The following MLLT3 variants were observed in gnomAD, a reference collection of about 807,000 sequenced individuals.
The protein encoded by MLLT3 is MLLT3 super elongation complex subunit.
A neutral mutation model predicts 53.2 loss-of-function variants in MLLT3; 4 were observed. The observed-to-expected ratio is 0.08, with a 90% CI of 0.04 to 0.17. MLLT3 has a LOEUF of 0.17. MLLT3 is among the 10% of genes least tolerant of loss of function. MLLT3 has a pLI of 1.00. For synonymous variants in MLLT3, 283 were observed against 230.6 expected (o/e 1.23, Z -2.06); for missense variants, 569 against 684.0 (o/e 0.83, Z 1.87).
chr9:20,567,548 G>A (rs749773078), intron 2 of MLLT3, among the ~76,000 whole-genome samples: 2 of 151,908 alleles, frequency 1.3e-5, no homozygotes, highest in Non-Finnish European at 2.9e-5. Context: ...CATTTAATTT[G>A]GCTTATCATC....
Position 20,428,417 on chromosome 9 carries a change from TA to T in MLLT3, c.421-13993del, listed in dbSNP as rs57266670. ...AAATTTAAAAACGTTTTAATGTTTTTAAAAAAACTGTATATATTTGGAATTA... is the reference window on the plus strand; with the variant it reads ...AAATTTAAAAACGTTTTAATGTTTTTAAAAAACTGTATATATTTGGAATTA... On this transcript the variant is annotated intron_variant, in intron 4 of 10. Transcript: ENST00000380338. Among the ~76,000 whole-genome samples, 916 of 152,066 alleles carry T rather than the reference TA, an allele frequency of 6.0e-3. 4 individuals are homozygous for T. Among genetic ancestry groups the T allele is most frequent in the African/African-American group, 0.02 (831 of 41,528 alleles).
intron 2 of MLLT3, among the ~76,000 whole-genome samples, chr9:20,488,717 G>T (rs1417106349): frequency 6.6e-6 from 1 of 152,156 alleles, no homozygotes; most frequent in Non-Finnish European, 1.5e-5. Context: ...GGTAAGGGAG[G>T]CTCCAATTCA....
At chr9:20,591,722 GA>G (rs1363257416) in intron 2 of MLLT3, among the ~76,000 whole-genome samples, 1 of 152,196 alleles carries the variant, frequency 6.6e-6, no homozygotes, top group Non-Finnish European at 1.5e-5. Context: ...TACTTTAAGA[GA>G]AAGGTGTTTA....
chr9:20,373,086 G>T (rs1010812189), intron 5 of MLLT3, among the ~76,000 whole-genome samples: 3 of 152,006 alleles, frequency 2.0e-5, no homozygotes, highest in African/African-American at 7.3e-5. Context: ...TTTTGGTGAA[G>T]ATTGCTTAAA....
rs184368300 is a variant in MLLT3 at position 20,482,989 on chromosome 9, A to G, written c.194-26203T>C. Among the ~76,000 whole-genome samples the G allele has an allele frequency of 1.1e-4, 16 of 152,236 alleles. No homozygotes were observed. The East Asian group carries it at 2.5e-3, about 24-fold the overall frequency. ...CTCAATTTTCTTTGCTGATCTTAGG[A>G]TTGTACAGTACTACTTACATGCTAA... On this transcript the variant is annotated intron_variant, in intron 2 of 10. Coordinates refer to ENST00000380338, the MANE Select transcript of MLLT3 (RefSeq NM_004529.4).
At chr9:20,578,921 G>C (rs113672059) in intron 2 of MLLT3, among the ~76,000 whole-genome samples, 70 of 152,206 alleles carry the variant, frequency 4.6e-4, no homozygotes, top group African/African-American at 1.6e-3. Flanking sequence ...TTAAAATTAA[G>C]TTTACTTGTT....
rs745641479 is a variant in MLLT3, at chr9:20,622,485, G to A, written c.-229C>T. 10 of 508,072 alleles carry A rather than the reference G, an allele frequency of 2.0e-5. No homozygotes were observed. Among genetic ancestry groups the A allele is most frequent in the Non-Finnish European group, 3.1e-5 (9 of 287,872 alleles). 31.5% of individuals were successfully genotyped at this position (508,072 alleles called of 1,614,324 possible). On this transcript the variant is annotated 5_prime_UTR_variant, in exon 1 of 11. Transcript: ENST00000380338. ...CAGCAGCAGCAGCAGCAGCTCCAGG[G>A]TAAAGAAGATGATTGCGGAGCATGC...
At chr9:20,349,486 G>T (rs926125767) in intron 10 of MLLT3, among the ~76,000 whole-genome samples, 1 of 151,366 alleles carries the variant, frequency 6.6e-6, no homozygotes, top group Non-Finnish European at 1.5e-5. Context: ...TAAAATAAAT[G>T]AGGCAAGAAA....
At chr9:20,541,508 C>A (rs1206589093) in intron 2 of MLLT3, among the ~76,000 whole-genome samples, 4 of 152,202 alleles carry the variant, frequency 2.6e-5, no homozygotes, top group African/African-American at 9.6e-5. Flanking sequence ...CAAGGCACAT[C>A]TCACATGGCA....
intron 4 of MLLT3, among the ~76,000 whole-genome samples, chr9:20,444,661 T>G (rs975307332): frequency 1.3e-5 from 2 of 152,004 alleles, no homozygotes; most frequent in African/African-American, 4.8e-5. Flanking sequence ...TCATTTCAGC[T>G]CAGGAGTTCA....
In MLLT3 at chr9:20,472,308, A is replaced by T. The variant is rs952362128; in HGVS notation, c.194-15522T>A. 3.3e-5 allele frequency among the ~76,000 whole-genome samples: 5 copies of T among 152,086 alleles called. No individual in the cohort carries two copies. In the East Asian group the frequency reaches 7.7e-4, roughly 23 times the overall value. On this transcript the variant is annotated intron_variant, in intron 2 of 10. Transcript: ENST00000380338. The stretch of plus-strand genomic sequence containing the variant: ...TAGGTTTATATTCTGAGATGGTTCC[A>T]ACCCTCAATGCCACTGCCATCACCT...
chr9:20,410,896 GATTT>G (rs1340164148), intron 5 of MLLT3, among the ~76,000 whole-genome samples: 11 of 152,170 alleles, frequency 7.2e-5, no homozygotes, highest in Non-Finnish European at 1.3e-4. Context: ...AAATTCTTCT[GATTT>G]ATTTGTGTCT....
chr9:20,386,041 GA>G (rs1170597384), intron 5 of MLLT3, among the ~76,000 whole-genome samples: 1 of 152,166 alleles, frequency 6.6e-6, no homozygotes, highest in Non-Finnish European at 1.5e-5. Context: ...CCCTTAGGTT[GA>G]AACTGAATTC....
chr9:20,504,448 A>C (rs992897615), intron 2 of MLLT3, among the ~76,000 whole-genome samples: 2 of 152,088 alleles, frequency 1.3e-5, no homozygotes, highest in Non-Finnish European at 2.9e-5. Flanking sequence ...TTTCAACAAC[A>C]TGAATGAACC....
chr9:20,477,867 A>T (rs755055656), intron 2 of MLLT3, among the ~76,000 whole-genome samples: 1 of 152,214 alleles, frequency 6.6e-6, no homozygotes, highest in African/African-American at 2.4e-5. Flanking sequence ...AGAGAAGGAA[A>T]TATTTTCTAC....
chr9:20,579,883 G>C (rs542666885), intron 2 of MLLT3, among the ~76,000 whole-genome samples: 31 of 152,268 alleles, frequency 2.0e-4, no homozygotes, highest in Admixed American at 1.6e-3. Flanking sequence ...GTTTTCTCTA[G>C]GGGGAGAGAA....
At chr9:20,432,219 A>G (rs1823289709) in intron 4 of MLLT3, among the ~76,000 whole-genome samples, 1 of 152,176 alleles carries the variant, frequency 6.6e-6, no homozygotes, top group African/African-American at 2.4e-5. Context: ...CCTGTGCGGT[A>G]AGTACTTGAT....
intron 2 of MLLT3, among the ~76,000 whole-genome samples, chr9:20,537,185 G>T (rs1818511356): frequency 6.6e-6 from 1 of 152,064 alleles, no homozygotes; most frequent in African/African-American, 2.4e-5. Context: ...TCTGAAATAG[G>T]TTGAAAAAAG....
rs573101364 is a variant in MLLT3, at chr9:20,614,192, T to C, written c.193+6462A>G. On this transcript the variant is annotated intron_variant, in intron 2 of 10. Coordinates refer to ENST00000380338, the MANE Select transcript of MLLT3 (RefSeq NM_004529.4). ...GGAGGATCACCTGAGGTCAGGAGTT[T>C]GAGACCAGCCTGGCCAACATGGTGA... Among the ~76,000 whole-genome samples the C allele has an allele frequency of 4.0e-5, 6 of 151,876 alleles. No homozygotes were observed. In the East Asian group the frequency reaches 1.2e-3, roughly 29 times the overall value.
Sources: allele counts gnomAD v4.1 joint callset (sites outside exome capture counted in the v4.1 genomes callset), GRCh38; gene constraint gnomAD v4.1.1; transcripts MANE v1.5; gene names NCBI Gene and HGNC (gene_info 2026-07-23, HGNC 2026-07-21).